KANK1: variants seen among roughly 807,000 people sequenced by gnomAD.
KANK1 encodes KN motif and ankyrin repeat domains 1.
A neutral mutation model predicts 106.2 loss-of-function variants in KANK1; 109 were observed. That is an observed-to-expected ratio of 1.03 (90% confidence interval 0.88 to 1.20). The LOEUF is 1.20. Ranked by LOEUF, KANK1 falls within the 50% of genes most tolerant of loss-of-function variation. The probability of loss-of-function intolerance (pLI) is 0.00; values close to 1 mark genes in which losing one functional copy is unlikely to be tolerated. For missense variants in KANK1, 2,399 were observed against 1,710.7 expected, an observed-to-expected ratio of 1.40 and a Z score of -7.10; for synonymous variants, 873 against 652.2, an observed-to-expected ratio of 1.34 and a Z score of -5.16.
chr9:596,146 C>T (rs1826150419), intron 1 of KANK1, among the ~76,000 whole-genome samples: 1 of 151,834 alleles, frequency 6.6e-6, no homozygotes, highest in African/African-American at 2.4e-5. Context: ...TGTAACCTGT[C>T]ACATGAGGTC....
chr9:706,456 A>C (rs1824185153), intron 2 of KANK1, among the ~76,000 whole-genome samples: 1 of 152,134 alleles, frequency 6.6e-6, no homozygotes. Flanking sequence ...GAAAATCCTT[A>C]AGTGGGAAAA....
intron 1 of KANK1, among the ~76,000 whole-genome samples, chr9:583,742 A>T (rs975323232): frequency 6.6e-6 from 1 of 151,218 alleles, no homozygotes; most frequent in African/African-American, 2.4e-5. Flanking sequence ...TCCTTTATTA[A>T]TATCCTGGAT....
intron 2 of KANK1, among the ~76,000 whole-genome samples, chr9:691,964 G>C (rs952719599): frequency 1.3e-5 from 2 of 151,866 alleles, no homozygotes; most frequent in African/African-American, 2.4e-5. Flanking sequence ...AAGTACATTG[G>C]GTAAATGTGG....
intron 2 of KANK1, among the ~76,000 whole-genome samples, chr9:709,610 C>CTTT (rs60899850): frequency 5.1e-5 from 7 of 137,018 alleles, no homozygotes; most frequent in East Asian, 2.1e-4. Flanking sequence ...GCTTTCATGT[C>CTTT]TTTTTTTTTT....
At chr9:719,518 G>T (rs915853800) in intron 3 of KANK1, among the ~76,000 whole-genome samples, 3 of 152,154 alleles carry the variant, frequency 2.0e-5, no homozygotes, top group African/African-American at 7.2e-5. Context: ...AAAGTTCTTG[G>T]CACTATCAAT....
chr9:547,343 T>C (rs1429994457), intron 1 of KANK1: 1 of 152,178 alleles, frequency 6.6e-6, no homozygotes, highest in Non-Finnish European at 1.5e-5. Context: ...AAGCCCTGGG[T>C]AAGTTTGAAG....
chr9:494,287 T>C (rs1159791438), intron 3 of KANK1, among the ~76,000 whole-genome samples: 1 of 152,256 alleles, frequency 6.6e-6, no homozygotes, highest in African/African-American at 2.4e-5. Context: ...CTTGGTAGTT[T>C]ACAAGCATTC....
chr9:738,912 T>G (rs921257950), intron 8 of KANK1, among the ~76,000 whole-genome samples: 3 of 152,206 alleles, frequency 2.0e-5, no homozygotes, highest in Admixed American at 2.0e-4. Context: ...CCACTTGATT[T>G]GACCTTACTC....
rs148881275 is a variant in KANK1 at position 580,758 on chromosome 9, C to T, written c.-84+76004C>T. On this transcript the variant is annotated intron_variant, in intron 1 of 11. Transcript: ENST00000382297. ...CAGGCGGAGCTGCCTGCCAGTCCCG[C>T]GCTGTGCGCCCGCACTCCTGAGCCC... Among the ~76,000 whole-genome samples, 1,522 of 152,376 alleles carry T rather than the reference C, an allele frequency of 1.0e-2. 17 individuals are homozygous for T. The highest frequency in any genetic ancestry group is 0.012 in the Admixed American group (179 of 15,314).
chr9:531,563 G>C (rs955464763), intron 1 of KANK1, among the ~76,000 whole-genome samples: 1 of 152,200 alleles, frequency 6.6e-6, no homozygotes, highest in African/African-American at 2.4e-5. Context: ...TTTGAGAGTT[G>C]GATAAAGAGA....
chr9:712,930 G>T lies in KANK1; in HGVS notation c.2164G>T (p.Gly722Cys). Residue 722 changes from glycine to cysteine, a missense_variant, in exon 3 of 12, where the codon GGC becomes TGC. Gly to Cys is a radical substitution (Grantham distance 159, BLOSUM62 -3). Coordinates refer to ENST00000382297, the MANE Select transcript of KANK1 (RefSeq NM_015158.5). ...GACGCGGACAGTAGCTGTAGGAGAA[G>T]GCCGTGTCAAGGACATCAACTCCTC... ...VETRTVAVGE[G>C]RVKDINSSTK... 1 of 1,614,126 alleles carries T rather than the reference G, an allele frequency of 6.2e-7. No individual in the cohort carries two copies. The highest frequency in any genetic ancestry group is 8.5e-7 in the Non-Finnish European group (1 of 1,180,040).
intron 3 of KANK1, among the ~76,000 whole-genome samples, chr9:729,811 C>A (rs1001047665): frequency 6.6e-5 from 10 of 152,084 alleles, no homozygotes; most frequent in Non-Finnish European, 1.2e-4. Flanking sequence ...GAAACCAAGG[C>A]TATGACGGTA....
At chr9:591,053 T>A (rs1381653273) in intron 1 of KANK1, among the ~76,000 whole-genome samples, 1 of 151,846 alleles carries the variant, frequency 6.6e-6, no homozygotes, top group African/African-American at 2.4e-5. Context: ...GATGAACATC[T>A]TTTCATATGC....
intron 3 of KANK1, chr9:477,627 C>G (rs1347067658): frequency 6.6e-6 from 1 of 152,204 alleles, no homozygotes; most frequent in Admixed American, 6.5e-5. Context: ...CCATTCAGGG[C>G]TGATATCACA....
intron 1 of KANK1, among the ~76,000 whole-genome samples, chr9:540,287 G>T (rs1345529058): frequency 6.6e-6 from 1 of 152,188 alleles, no homozygotes; most frequent in Non-Finnish European, 1.5e-5. Flanking sequence ...CTATTGAGAT[G>T]ATCCCTTGAT....
chr9:721,721 C>T (rs1156479678), intron 3 of KANK1, among the ~76,000 whole-genome samples: 3 of 152,220 alleles, frequency 2.0e-5, no homozygotes, highest in Non-Finnish European at 2.9e-5. Flanking sequence ...TCTACAGGGA[C>T]TCCTGAAGCT....
At chr9:487,798 A>T (rs534444193) in intron 3 of KANK1, 2 of 152,204 alleles carry the variant, frequency 1.3e-5, no homozygotes, top group African/African-American at 4.8e-5. Context: ...ACCTCAAATG[A>T]TGGAGGTGGG....
intron 3 of KANK1, among the ~76,000 whole-genome samples, chr9:726,686 G>A (rs10815536): frequency 0.072 from 10,940 of 151,956 alleles, 976 homozygotes; most frequent in African/African-American, 0.2. Context: ...AAGGCCAGGC[G>A]TGGTGGCTCA....
rs375617766 is a variant in KANK1, at chr9:677,022, T to C, written c.37+13T>C. The C allele has an allele frequency of 7.4e-6, 12 of 1,612,194 alleles. No homozygotes were observed. The highest frequency in any genetic ancestry group is 1.1e-5 in the South Asian group (1 of 90,892). On this transcript the variant is annotated intron_variant, in intron 2 of 11. Transcript: ENST00000382297. Reference sequence around the variant, plus strand: ...GGCAGTGCCTCAGGTAACCCTGTGCTCTGGAGTTTGTGTGTTAAATGTATG... The same window carrying C: ...GGCAGTGCCTCAGGTAACCCTGTGCCCTGGAGTTTGTGTGTTAAATGTATG...
Sources: gnomAD v4.1 joint callset for allele counts (sites outside exome capture counted in the v4.1 genomes callset) on GRCh38, gnomAD v4.1.1 for gene constraint, MANE v1.5 for transcripts, NCBI Gene and HGNC (gene_info 2026-07-23, HGNC 2026-07-21) for gene names.